The following GNAQ variants were observed in gnomAD, a reference collection of about 807,000 sequenced individuals.
GNAQ encodes G protein subunit alpha q.
In GNAQ, 8 loss-of-function variants were observed where a neutral mutation model predicts 43.9. The observed-to-expected ratio is 0.18, with a 90% CI of 0.11 to 0.33. The LOEUF (loss-of-function observed/expected upper bound fraction) is 0.33, where lower values mean the gene tolerates loss of function less well. GNAQ is among the 10% of genes least tolerant of loss of function. The probability of loss-of-function intolerance (pLI) is 1.00; values close to 1 mark genes in which losing one functional copy is unlikely to be tolerated. For missense variants in GNAQ, 158 were observed against 450.8 expected, an observed-to-expected ratio of 0.35 and a Z score of 5.88; for synonymous variants, 155 against 170.7, an observed-to-expected ratio of 0.91 and a Z score of 0.71.
intron 5 of GNAQ, 84 bp from the exon 6 acceptor site, chr9:77,728,751 C>A (rs1339547065): frequency 2.1e-6 from 2 of 972,406 alleles, no homozygotes; most frequent in South Asian, 1.5e-5. Flanking sequence ...TTTATAAGTC[C>A]AACCCATCTT....
intron 5 of GNAQ, among the ~76,000 whole-genome samples, chr9:77,729,894 C>T (rs1825461448): frequency 6.6e-6 from 1 of 152,188 alleles, no homozygotes; most frequent in Admixed American, 6.5e-5. Flanking sequence ...CTGGAGCTTC[C>T]CTTCCCTCAT....
intron 2 of GNAQ, among the ~76,000 whole-genome samples, chr9:77,842,012 C>T (rs764356913): frequency 8.5e-5 from 13 of 152,168 alleles, no homozygotes; most frequent in Non-Finnish European, 1.8e-4. Context: ...CACTCCTCTG[C>T]AGGTGTATAG....
intron 2 of GNAQ, among the ~76,000 whole-genome samples, chr9:77,897,750 A>G (rs1401107722): frequency 6.6e-6 from 1 of 152,138 alleles, no homozygotes; most frequent in Non-Finnish European, 1.5e-5. Flanking sequence ...TCAGGATCTG[A>G]GCAGCTGCTA....
intron 2 of GNAQ, among the ~76,000 whole-genome samples, chr9:77,855,811 T>A (rs560931512): frequency 6.6e-6 from 1 of 152,138 alleles, no homozygotes; most frequent in Non-Finnish European, 1.5e-5. Flanking sequence ...TGACTGGCTA[T>A]AATATAACCA....
intron 2 of GNAQ, among the ~76,000 whole-genome samples, chr9:77,916,469 T>C (rs944044547): frequency 2.6e-5 from 4 of 152,058 alleles, no homozygotes; most frequent in Non-Finnish European, 5.9e-5. Flanking sequence ...TTCAGGAAAA[T>C]GAAAAATGGC....
intron 2 of GNAQ, among the ~76,000 whole-genome samples, chr9:77,850,228 C>T (rs1827652892): frequency 6.6e-6 from 1 of 152,208 alleles, no homozygotes; most frequent in Non-Finnish European, 1.5e-5. Context: ...TCTCATTTAT[C>T]TGTCAGAGTC....
chr9:77,894,792 C>G (rs1161430211), intron 2 of GNAQ, among the ~76,000 whole-genome samples: 1 of 142,730 alleles, frequency 7.0e-6, no homozygotes, highest in Non-Finnish European at 1.6e-5. Context: ...TTTCATTGAT[C>G]AAGAGCATTA....
intron 1 of GNAQ, among the ~76,000 whole-genome samples, chr9:78,012,238 CT>C (rs1166567926): frequency 1.1e-3 from 146 of 135,136 alleles, no homozygotes; most frequent in East Asian, 2.2e-3. Context: ...AAGGCATTTT[CT>C]TTTTTTTTTT....
intron 2 of GNAQ, among the ~76,000 whole-genome samples, chr9:77,899,437 CTGTG>C (rs927449353): frequency 2.0e-5 from 3 of 151,072 alleles, no homozygotes; most frequent in African/African-American, 7.3e-5. Flanking sequence ...GTGTGTGTGT[CTGTG>C]TGTGTGTGTA....
chr9:77,887,426 A>T (rs1221372546), intron 2 of GNAQ, among the ~76,000 whole-genome samples: 1 of 152,248 alleles, frequency 6.6e-6, no homozygotes, highest in Non-Finnish European at 1.5e-5. Context: ...AAAATAAGGA[A>T]ATAGTTTTTA....
intron 2 of GNAQ, among the ~76,000 whole-genome samples, chr9:77,862,326 C>A (rs368155141): frequency 4.6e-5 from 7 of 152,180 alleles, no homozygotes; most frequent in Admixed American, 2.0e-4. Context: ...TCCATGAGGG[C>A]CCCACCCTGC....
At chr9:77,953,843 G>A (rs1564161679) in intron 1 of GNAQ, among the ~76,000 whole-genome samples, 1 of 152,252 alleles carries the variant, frequency 6.6e-6, no homozygotes, top group East Asian at 1.9e-4. Flanking sequence ...ACTCTGCACA[G>A]GTGACTGACC....
intron 1 of GNAQ, among the ~76,000 whole-genome samples, chr9:77,993,071 C>CT (rs1430221793): frequency 2.6e-5 from 4 of 152,180 alleles, no homozygotes; most frequent in Non-Finnish European, 4.4e-5. Flanking sequence ...AAATATCTAT[C>CT]TTAATGGTAA....
chr9:77,904,885 AACAC>A (rs374079699), intron 2 of GNAQ, among the ~76,000 whole-genome samples: 10 of 151,932 alleles, frequency 6.6e-5, no homozygotes, highest in African/African-American at 1.7e-4. Flanking sequence ...CACACGAAGA[AACAC>A]ACACACACAG....
chr9:77,994,371 T>C (rs190008092), intron 1 of GNAQ, among the ~76,000 whole-genome samples: 3 of 152,292 alleles, frequency 2.0e-5, no homozygotes, highest in East Asian at 3.9e-4. Context: ...GATATATCTA[T>C]AGTTATTTTT....
chr9:77,818,544 G>A (rs1417376802), intron 2 of GNAQ, among the ~76,000 whole-genome samples: 1 of 151,430 alleles, frequency 6.6e-6, no homozygotes, highest in African/African-American at 2.4e-5. Flanking sequence ...TTGTCCAAAT[G>A]TCGAATGTGA....
At chr9:77,721,664 TA>T (rs1235514982) in intron 6 of GNAQ, 151 bp from the exon 7 acceptor site, 2 of 572,324 alleles carry the variant, frequency 3.5e-6, no homozygotes, top group African/African-American at 3.9e-5. Flanking sequence ...CTAACACTGC[TA>T]TGTCTGACCA....
intron 2 of GNAQ, among the ~76,000 whole-genome samples, chr9:77,829,476 C>A (rs890346231): frequency 3.9e-5 from 6 of 152,188 alleles, no homozygotes; most frequent in African/African-American, 1.4e-4. Flanking sequence ...GCCAAGGACA[C>A]ATCTGACTAC....
At chr9:77,760,231 TC>T (rs1825972548) in intron 5 of GNAQ, among the ~76,000 whole-genome samples, 1 of 146,662 alleles carries the variant, frequency 6.8e-6, no homozygotes, top group Non-Finnish European at 1.5e-5. Context: ...CCTCTCCCTC[TC>T]CCCACGGTCT....
Sources: allele counts gnomAD v4.1 joint callset (sites outside exome capture counted in the v4.1 genomes callset), GRCh38; gene constraint gnomAD v4.1.1; transcripts MANE v1.5; gene names NCBI Gene and HGNC (gene_info 2026-07-23, HGNC 2026-07-21).